TMEM30A: variants seen among roughly 807,000 people sequenced by gnomAD.
TMEM30A encodes the protein cell division cycle 50 P4-ATPase accessory subunit A.
TMEM30A carries 24 observed loss-of-function variants against 38.2 expected under a neutral mutation model. That is an observed-to-expected ratio of 0.63 (90% CI 0.46 to 0.88). The LOEUF (loss-of-function observed/expected upper bound fraction) is 0.88, where lower values mean the gene tolerates loss of function less well. Ranked by LOEUF, TMEM30A falls within the 40% of genes least tolerant of loss-of-function variation. The pLI is 0.00. For missense variants in TMEM30A, 370 were observed against 458.6 expected (o/e 0.81, Z 1.77); for synonymous variants, 145 against 161.6 (o/e 0.90, Z 0.78).
chr6:75,259,038 T>G lies in TMEM30A; in HGVS notation c.686-52A>C, dbSNP rs767447194. The G allele has an allele frequency of 4.8e-6, 7 of 1,472,314 alleles. No individual in the cohort carries two copies. In the South Asian group the frequency reaches 7.2e-5, roughly 15 times the overall value. The allele number at this position is 1,472,314 out of a possible 1,614,324, so 91.2% of individuals were successfully genotyped here. The stretch of plus-strand genomic sequence containing the variant: ...GAGACAAAATATTACATTGTGAAAT[T>G]AAAGTGGCGGAGAAACGAATAAATT... On this transcript the variant is annotated intron_variant, in intron 5 of 6. Coordinates refer to ENST00000230461, the MANE Select transcript of TMEM30A (RefSeq NM_018247.4).
chr6:75,259,279 T>C lies in TMEM30A; in HGVS notation c.685+68A>G, dbSNP rs150796805. 1,135 of 1,494,866 alleles carry C rather than the reference T, an allele frequency of 7.6e-4. 5 individuals carry two copies. The East Asian group carries it at 0.017, about 22-fold the overall frequency. 92.6% of individuals were successfully genotyped at this position (1,494,866 alleles called of 1,614,324 possible). On this transcript the variant is annotated intron_variant, in intron 5 of 6. Transcript: ENST00000230461. ...AAGCATAACTTTAAGATTCTGAAGA[T>C]AGAAAATTTAAAATACTTCATTAAA...
intron 1 of TMEM30A, among the ~76,000 whole-genome samples, chr6:75,268,737 G>A (rs779225970): frequency 4.3e-4 from 65 of 152,238 alleles, no homozygotes; most frequent in Non-Finnish European, 7.9e-4. Context: ...ATCTTATGGC[G>A]AGGTAGTGAG....
chr6:75,259,195 A>G, intron 5 of TMEM30A, 152 bp downstream of exon 5: 2 of 894,792 alleles, frequency 2.2e-6, no homozygotes, highest in Non-Finnish European at 3.4e-6. Flanking sequence ...GAATTTTAGT[A>G]CATTAGAACA....
intron 6 of TMEM30A, among the ~76,000 whole-genome samples, chr6:75,257,276 G>T (rs1771881988): frequency 6.6e-6 from 1 of 152,128 alleles, no homozygotes; most frequent in Admixed American, 6.5e-5. Flanking sequence ...CATCATTCTA[G>T]TCTTTAGTTC....
Position 75,254,543 on chromosome 6 carries a change from T to C in TMEM30A, c.*1559A>G, listed in dbSNP as rs1029129646. The C allele has an allele frequency of 2.0e-5, 3 of 152,184 alleles. No homozygotes were observed. The highest frequency in any genetic ancestry group is 4.4e-5 in the Non-Finnish European group (3 of 67,998). The allele number at this position is 152,184 out of a possible 1,614,324, so 9.4% of individuals were successfully genotyped here. ...TCTTTTAACTGAATTTCATATGTTA[T>C]ATAAAACTTGAAAAGTGTGGCACAT... On this transcript the variant is annotated 3_prime_UTR_variant, in exon 7 of 7. Transcript: ENST00000230461.
rs1161117988 is a variant in TMEM30A at position 75,267,756 on chromosome 6, A to G, written c.238-8T>C. 1.3e-6 allele frequency: 2 copies of G among 1,577,268 alleles called. No homozygotes were observed. Among genetic ancestry groups the G allele is most frequent in the Non-Finnish European group, 1.7e-6 (2 of 1,158,486 alleles). Reference sequence around the variant, plus strand: ...TGTTCCGGTATAATCAATCTGCAAGAGAAAAATATAACTAAGCACTTCCTT... The same window carrying G: ...TGTTCCGGTATAATCAATCTGCAAGGGAAAAATATAACTAAGCACTTCCTT... On this transcript the variant is annotated splice_polypyrimidine_tract_variant and splice_region_variant and intron_variant, in intron 1 of 6. Transcript: ENST00000230461.
intron 1 of TMEM30A, among the ~76,000 whole-genome samples, chr6:75,280,234 C>T (rs1394403346): frequency 6.6e-6 from 1 of 152,118 alleles, no homozygotes; most frequent in Admixed American, 6.6e-5. Context: ...AGGACTAGAA[C>T]ATGTAAATTA....
intron 6 of TMEM30A, among the ~76,000 whole-genome samples, chr6:75,258,179 T>G (rs1163436928): frequency 2.0e-5 from 3 of 152,188 alleles, no homozygotes; most frequent in African/African-American, 7.2e-5. Context: ...TGTATTCTGG[T>G]CTGTAATAGG....
At chr6:75,267,605 C>A in intron 2 of TMEM30A, 36 bp downstream of exon 2, 1 of 1,474,720 alleles carries the variant, frequency 6.8e-7, no homozygotes, top group South Asian at 1.2e-5. Flanking sequence ...TTTTTTAAAG[C>A]ATGGCTTTTC....
intron 1 of TMEM30A, among the ~76,000 whole-genome samples, chr6:75,283,414 C>A (rs1444927475): frequency 1.3e-5 from 2 of 151,682 alleles, no homozygotes; most frequent in African/African-American, 4.9e-5. Context: ...AAAAAAAATT[C>A]TCAGATATGC....
chr6:75,266,243 A>C (rs1260841845), intron 2 of TMEM30A, among the ~76,000 whole-genome samples: 2 of 152,106 alleles, frequency 1.3e-5, no homozygotes, highest in Non-Finnish European at 2.9e-5. Flanking sequence ...ACTTCATTTG[A>C]TTTGCTATTT....
intron 6 of TMEM30A, among the ~76,000 whole-genome samples, chr6:75,257,078 GATGGGTCCCT>G (rs1476093434): frequency 6.6e-6 from 1 of 152,168 alleles, no homozygotes; most frequent in East Asian, 1.9e-4. Context: ...CATCCCCACA[GATGGGTCCCT>G]ATGGGTCCCT....
At position 75,255,497 on chromosome 6, in the gene TMEM30A, A is replaced by G; in HGVS notation, c.*605T>C. On this transcript the variant is annotated 3_prime_UTR_variant, in exon 7 of 7. Transcript: ENST00000230461. ...ACTGCAGACATGAGCATTAATTCTT[A>G]TGCCAGACAAGGTAAGCGTGTCCTT... The G allele has an allele frequency of 6.6e-6, 1 of 152,480 alleles. No individual in the cohort carries two copies. The allele number at this position is 152,480 out of a possible 1,614,324, so 9.4% of individuals were successfully genotyped here. A position where few individuals can be genotyped will look rare whatever the true frequency, so the allele number is the denominator to read the frequency against.
intron 1 of TMEM30A, among the ~76,000 whole-genome samples, chr6:75,283,565 C>T (rs1772396215): frequency 6.6e-6 from 1 of 151,936 alleles, no homozygotes; most frequent in African/African-American, 2.4e-5. Context: ...CCTGTCATGT[C>T]TTACACATTC....
chr6:75,263,368 G>A (rs376663860), intron 3 of TMEM30A, among the ~76,000 whole-genome samples: 1 of 152,152 alleles, frequency 6.6e-6, no homozygotes, highest in Non-Finnish European at 1.5e-5. Flanking sequence ...ATTTTAGGTA[G>A]GGAAGTGATA....
chr6:75,281,261 C>T (rs553949841), intron 1 of TMEM30A, among the ~76,000 whole-genome samples: 7 of 152,212 alleles, frequency 4.6e-5, no homozygotes, highest in Non-Finnish European at 7.4e-5. Flanking sequence ...TTTCAAGTAA[C>T]CTCTGTATCT....
At chr6:75,256,902 T>G in intron 6 of TMEM30A, 1 of 348,590 alleles carries the variant, frequency 2.9e-6, no homozygotes, top group Non-Finnish European at 5.7e-6. Context: ...AGGGCACCAG[T>G]GTACTAGATG....
intron 1 of TMEM30A, among the ~76,000 whole-genome samples, chr6:75,282,000 C>T (rs547630469): frequency 2.0e-5 from 3 of 152,184 alleles, no homozygotes; most frequent in Non-Finnish European, 4.4e-5. Context: ...ATGTCAGTGT[C>T]AGTAAAAAAT....
intron 1 of TMEM30A, among the ~76,000 whole-genome samples, chr6:75,274,930 G>A (rs1200593270): frequency 6.6e-6 from 1 of 151,122 alleles, no homozygotes; most frequent in African/African-American, 2.4e-5. Flanking sequence ...AGAACGGCAT[G>A]AACCTGGGAG....
Sources: gnomAD v4.1 joint callset for allele counts (sites outside exome capture counted in the v4.1 genomes callset) on GRCh38, gnomAD v4.1.1 for gene constraint, MANE v1.5 for transcripts, NCBI Gene and HGNC (gene_info 2026-07-23, HGNC 2026-07-21) for gene names.